The following ANKRD6 variants were observed in gnomAD, a reference collection of about 807,000 sequenced individuals.
ANKRD6 encodes ankyrin repeat domain-containing protein 6.
Under a neutral mutation model 82.3 loss-of-function variants are expected in ANKRD6, and 56 were observed. The ratio of observed to expected loss-of-function variants is 0.68; its 90% CI spans 0.55 to 0.85. The LOEUF (loss-of-function observed/expected upper bound fraction) is 0.85. Ranked by LOEUF, ANKRD6 falls within the 40% of genes least tolerant of loss-of-function variation. ANKRD6 has a pLI of 0.00. For missense variants in ANKRD6, 852 were observed against 907.6 expected (o/e 0.94, Z 0.79); for synonymous variants, 347 against 352.1 (o/e 0.99, Z 0.16).
intron 15 of ANKRD6, among the ~76,000 whole-genome samples, chr6:89,629,640 C>A (rs1385020183): frequency 6.6e-6 from 1 of 152,142 alleles, no homozygotes; most frequent in African/African-American, 2.4e-5. Flanking sequence ...TTACTTTTGT[C>A]CAACTATGCA....
chr6:89,529,992 G>A (rs187316434), intron 1 of ANKRD6, among the ~76,000 whole-genome samples: 2 of 152,282 alleles, frequency 1.3e-5, no homozygotes, highest in African/African-American at 2.4e-5. Context: ...GGTGGTTCAC[G>A]TCTGTAATCC....
intron 1 of ANKRD6, among the ~76,000 whole-genome samples, chr6:89,448,157 A>G (rs761848625): frequency 8.5e-5 from 13 of 152,150 alleles, no homozygotes; most frequent in Admixed American, 2.0e-4. Context: ...TACGTTGGCC[A>G]GGTGAGGTGG....
chr6:89,588,539 T>C (rs1436705237), intron 2 of ANKRD6, among the ~76,000 whole-genome samples: 1 of 152,222 alleles, frequency 6.6e-6, no homozygotes, highest in Non-Finnish European at 1.5e-5. Context: ...GGTCACAGCA[T>C]GCAGCTGCCC....
intron 1 of ANKRD6, among the ~76,000 whole-genome samples, chr6:89,506,369 C>T (rs905458367): frequency 3.3e-5 from 5 of 152,102 alleles, no homozygotes; most frequent in Admixed American, 1.3e-4. Flanking sequence ...GGCTGGGGTG[C>T]AGTGGCGCAA....
intron 1 of ANKRD6, among the ~76,000 whole-genome samples, chr6:89,553,477 G>A (rs1340408193): frequency 6.6e-6 from 1 of 152,216 alleles, no homozygotes; most frequent in Non-Finnish European, 1.5e-5. Flanking sequence ...CTTCTGAGTA[G>A]ATATTCATGT....
chr6:89,438,673 C>T (rs775948363), intron 1 of ANKRD6, among the ~76,000 whole-genome samples: 2 of 151,994 alleles, frequency 1.3e-5, no homozygotes, highest in Admixed American at 6.6e-5. Context: ...GACAAAATCT[C>T]GCTCTGTTGC....
chr6:89,623,986 C>A lies in ANKRD6; in HGVS notation c.1147C>A (p.Pro383Thr), dbSNP rs1168726092. Reference sequence around the variant, plus strand: ...GAACAGGCATCGGTGTTCATCCCCACCCCCACCCCATGAGTTCAGGGCGTA... The same window carrying A: ...GAACAGGCATCGGTGTTCATCCCCAACCCCACCCCATGAGTTCAGGGCGTA... ...KRNRHRCSSP[P>T]PPHEFRAYQL... The change falls in exon 12 of 16, where the codon CCC becomes ACC. Residue 383 changes from proline (P) to threonine (T), a missense_variant. Transcript: ENST00000339746. 6.2e-7 allele frequency: 1 copy of A among 1,612,188 alleles called. No homozygotes were observed.
At chr6:89,503,368 G>T (rs903455893) in intron 1 of ANKRD6, among the ~76,000 whole-genome samples, 6 of 152,136 alleles carry the variant, frequency 3.9e-5, no homozygotes, top group Non-Finnish European at 8.8e-5. Context: ...AGGACAGAAG[G>T]CCATTGGTTC....
chr6:89,624,369 G>A lies in ANKRD6; in HGVS notation c.1219-170G>A, dbSNP rs1463609499. 3 of 839,334 alleles carry A rather than the reference G, an allele frequency of 3.6e-6. No individual in the cohort carries two copies. In the East Asian group the frequency reaches 8.0e-5, roughly 22 times the overall value. The allele number at this position is 839,334 out of a possible 1,614,324, so 52.0% of individuals were successfully genotyped here. A position where few individuals can be genotyped will look rare whatever the true frequency, so the allele number is the denominator to read the frequency against. ...TCTTACCCTCTGAATTTTAGTGTCT[G>A]CTACACCCAAAATTTGGCCTATAAG... On this transcript the variant is annotated intron_variant, in intron 12 of 15. Coordinates refer to ENST00000339746, the MANE Select transcript of ANKRD6 (RefSeq NM_001242809.2).
At chr6:89,627,110 TC>T (rs1469237698) in intron 13 of ANKRD6, among the ~76,000 whole-genome samples, 5 of 142,812 alleles carry the variant, frequency 3.5e-5, no homozygotes, top group African/African-American at 1.0e-4. Context: ...AGTCTCTCTC[TC>T]TTTTTTTTTT....
At chr6:89,626,098 T>C (rs71556335) in intron 13 of ANKRD6, among the ~76,000 whole-genome samples, 1 of 152,218 alleles carries the variant, frequency 6.6e-6, no homozygotes, top group African/African-American at 2.4e-5. Context: ...TTTTATTTCC[T>C]TGTTTACTGG....
chr6:89,540,300 T>C (rs1037384409), intron 1 of ANKRD6, among the ~76,000 whole-genome samples: 1 of 152,250 alleles, frequency 6.6e-6, no homozygotes, highest in African/African-American at 2.4e-5. Flanking sequence ...CATTTGTTAT[T>C]GCTTGTCTTT....
intron 9 of ANKRD6, 61 bp downstream of exon 9, chr6:89,618,092 C>T: frequency 6.4e-7 from 1 of 1,567,270 alleles, no homozygotes; most frequent in Non-Finnish European, 8.8e-7. Context: ...TGTTGGGACT[C>T]CTGGTTGCAA....
chr6:89,556,138 C>T (rs1313908222), intron 1 of ANKRD6, among the ~76,000 whole-genome samples: 1 of 152,248 alleles, frequency 6.6e-6, no homozygotes, highest in Non-Finnish European at 1.5e-5. Context: ...GGCAGTGGCT[C>T]CTACTGCATT....
At chr6:89,573,065 A>G (rs1428943156) in intron 2 of ANKRD6, among the ~76,000 whole-genome samples, 2 of 151,952 alleles carry the variant, frequency 1.3e-5, no homozygotes, top group Admixed American at 6.6e-5. Flanking sequence ...GGCTCAAGCA[A>G]TCCTCCTGCC....
At chr6:89,516,464 T>C (rs944467674) in intron 1 of ANKRD6, among the ~76,000 whole-genome samples, 9 of 152,122 alleles carry the variant, frequency 5.9e-5, no homozygotes, top group African/African-American at 1.9e-4. Context: ...GCTTCCAAAA[T>C]TGTGGGAGCC....
intron 14 of ANKRD6, 101 bp downstream of exon 14, chr6:89,627,797 T>C (rs1286937494): frequency 2.2e-6 from 2 of 898,994 alleles, no homozygotes; most frequent in Non-Finnish European, 3.5e-6. Context: ...TGAGACTCCC[T>C]AAGAGCTTTT....
At chr6:89,616,488 C>A in intron 7 of ANKRD6, 71 bp from the exon 8 acceptor site, 1 of 1,426,966 alleles carries the variant, frequency 7.0e-7, no homozygotes. Flanking sequence ...ACACCTAGGC[C>A]AGGTAATGAA....
intron 1 of ANKRD6, among the ~76,000 whole-genome samples, chr6:89,541,013 G>C (rs1424341696): frequency 6.6e-6 from 1 of 152,124 alleles, no homozygotes; most frequent in Non-Finnish European, 1.5e-5. Context: ...GTACCTTGCT[G>C]TTTTGGTTAC....
Sources: gnomAD v4.1 joint callset for allele counts (sites outside exome capture counted in the v4.1 genomes callset) on GRCh38, gnomAD v4.1.1 for gene constraint, MANE v1.5 for transcripts, NCBI Gene and HGNC (gene_info 2026-07-23, HGNC 2026-07-21) for gene names.